PDE10A: variants seen among roughly 807,000 people sequenced by gnomAD.
PDE10A encodes phosphodiesterase 10A.
Under a neutral mutation model 97.7 loss-of-function variants are expected in PDE10A, and 39 were observed. The observed-to-expected ratio is 0.40, with a 90% CI of 0.31 to 0.52. The LOEUF (loss-of-function observed/expected upper bound fraction) is 0.52, where lower values mean the gene tolerates loss of function less well. Ranked by LOEUF, PDE10A falls within the 20% of genes least tolerant of loss-of-function variation. The pLI is 0.56. For synonymous variants in PDE10A, 371 were observed against 376.8 expected, an observed-to-expected ratio of 0.98 and a Z score of 0.18; for missense variants, 731 against 1,047.8, an observed-to-expected ratio of 0.70 and a Z score of 4.17.
chr6:165,540,276 A>T (rs1261948082), intron 2 of PDE10A, among the ~76,000 whole-genome samples: 1 of 152,194 alleles, frequency 6.6e-6, no homozygotes, highest in Non-Finnish European at 1.5e-5. Context: ...GAAACAAAAT[A>T]AAAATTCTGC....
intron 1 of PDE10A, among the ~76,000 whole-genome samples, chr6:165,863,030 C>G (rs1780950482): frequency 6.6e-6 from 1 of 152,178 alleles, no homozygotes; most frequent in South Asian, 2.1e-4. Flanking sequence ...TGGAGTAACC[C>G]TGAATAATCT....
chr6:165,587,371 A>G (rs1415580677), intron 1 of PDE10A, among the ~76,000 whole-genome samples: 1 of 152,182 alleles, frequency 6.6e-6, no homozygotes, highest in Non-Finnish European at 1.5e-5. Context: ...GAAATTTAAT[A>G]CGTGTCTCAT....
At chr6:165,875,746 TTG>T (rs1554334720) in intron 1 of PDE10A, among the ~76,000 whole-genome samples, 2,077 of 146,936 alleles carry the variant, frequency 0.014, 43 homozygotes, top group African/African-American at 0.05. Flanking sequence ...TTTTTTTTTT[TTG>T]TGTGTGTGTG....
At position 165,958,764 on chromosome 6, in the gene PDE10A, AGAAG is replaced by A. The variant is rs1562327922; in HGVS notation, c.-615+28761_-615+28764del. Among the ~76,000 whole-genome samples the A allele has an allele frequency of 2.4e-3, 358 of 150,570 alleles. 2 individuals are homozygous for A. Among genetic ancestry groups the A allele is most frequent in the African/African-American group, 8.2e-3 (330 of 40,116 alleles). Reference sequence around the variant, plus strand: ...GAAAGAAAGAGAAAGAAAGAAAGAAAGAAGAAAGCAAGCCAGCCATGCCTCCCGA... The same window carrying A: ...GAAAGAAAGAGAAAGAAAGAAAGAAAAAAGCAAGCCAGCCATGCCTCCCGA... On this transcript the variant is annotated intron_variant, in intron 1 of 19. Transcript: ENST00000366882.
At chr6:165,438,792 TAC>T (rs1562467776) in intron 5 of PDE10A, among the ~76,000 whole-genome samples, 2 of 151,896 alleles carry the variant, frequency 1.3e-5, no homozygotes. Context: ...ATCTGACCTC[TAC>T]AAAAAATAAA....
intron 1 of PDE10A, among the ~76,000 whole-genome samples, chr6:165,715,236 A>G (rs1377440574): frequency 6.6e-6 from 1 of 152,240 alleles, no homozygotes; most frequent in Admixed American, 6.5e-5. Context: ...TTAGGGACAT[A>G]CAGGTGACAC....
chr6:165,592,267 G>T (rs1357879723), intron 1 of PDE10A, among the ~76,000 whole-genome samples: 1 of 152,102 alleles, frequency 6.6e-6, no homozygotes, highest in African/African-American at 2.4e-5. Flanking sequence ...GCAGAAAACT[G>T]AGACTTTCCT....
At chr6:165,903,707 A>G (rs1782179257) in intron 1 of PDE10A, among the ~76,000 whole-genome samples, 1 of 152,170 alleles carries the variant, frequency 6.6e-6, no homozygotes, top group Non-Finnish European at 1.5e-5. Flanking sequence ...TAAAGCCATT[A>G]CTTTGGATGA....
intron 2 of PDE10A, among the ~76,000 whole-genome samples, chr6:165,526,422 A>G (rs1782450682): frequency 6.6e-6 from 1 of 152,182 alleles, no homozygotes; most frequent in African/African-American, 2.4e-5. Flanking sequence ...TGGCTCCTTG[A>G]CTGGGAGGGT....
chr6:165,941,727 A>C (rs1783529915), intron 1 of PDE10A, among the ~76,000 whole-genome samples: 1 of 152,034 alleles, frequency 6.6e-6, no homozygotes, highest in South Asian at 2.1e-4. Flanking sequence ...CTCCCTAAAA[A>C]CTGAACAGAT....
intron 1 of PDE10A, among the ~76,000 whole-genome samples, chr6:165,548,699 T>C (rs1465471381): frequency 6.6e-6 from 1 of 152,204 alleles, no homozygotes; most frequent in African/African-American, 2.4e-5. Context: ...GGCTTGACAA[T>C]GGTGATTTTC....
At chr6:165,363,806 T>C (rs933554657) in intron 18 of PDE10A, among the ~76,000 whole-genome samples, 19 of 152,118 alleles carry the variant, frequency 1.2e-4, no homozygotes, top group African/African-American at 4.1e-4. Flanking sequence ...TCCTTAGTAA[T>C]AAATTTAACA....
intron 1 of PDE10A, among the ~76,000 whole-genome samples, chr6:165,677,884 AT>A (rs1790845343): frequency 6.6e-6 from 1 of 151,674 alleles, no homozygotes; most frequent in Non-Finnish European, 1.5e-5. Flanking sequence ...GTTTGAGTGT[AT>A]ATGCATGGGT....
At chr6:165,449,062 T>C (rs1409901921) in intron 4 of PDE10A, 85 bp from the exon 5 acceptor site, 2 of 909,150 alleles carry the variant, frequency 2.2e-6, no homozygotes, top group African/African-American at 3.3e-5. Context: ...GAGGCAGATG[T>C]GAGTCTTTCA....
chr6:165,367,532 G>A (rs560538640), intron 18 of PDE10A, among the ~76,000 whole-genome samples: 1 of 152,092 alleles, frequency 6.6e-6, no homozygotes, highest in South Asian at 2.1e-4. Context: ...AAACTTCACT[G>A]AAATCAGCAG....
At chr6:165,971,618 T>C (rs977570809) in intron 1 of PDE10A, among the ~76,000 whole-genome samples, 1 of 152,188 alleles carries the variant, frequency 6.6e-6, no homozygotes, top group African/African-American at 2.4e-5. Context: ...GAACCAAGTT[T>C]TACGTATGTA....
At chr6:165,726,587 T>G (rs1007180919) in intron 1 of PDE10A, among the ~76,000 whole-genome samples, 12 of 152,056 alleles carry the variant, frequency 7.9e-5, no homozygotes, top group African/African-American at 2.9e-4. Context: ...CCCCCGGTGG[T>G]CCACACCTCC....
intron 1 of PDE10A, among the ~76,000 whole-genome samples, chr6:165,749,205 TCATC>T (rs1792914101): frequency 7.9e-6 from 1 of 126,102 alleles, no homozygotes; most frequent in African/African-American, 3.1e-5. Flanking sequence ...ACCATCACCA[TCATC>T]ACCATCACCA....
rs759592779 is a variant in PDE10A, at chr6:165,433,004, G to A, written c.1461C>T (p.Gly487=). ...IGILELYRHW[G]KEAFCLSHQE... is the part of the protein sequence containing the mutation. ...GGTGACTAAGACAGAAGGCTTCTTTGCCCCAGTGCCGATACAGCTCGAGAA... is the reference window on the plus strand; with the variant it reads ...GGTGACTAAGACAGAAGGCTTCTTTACCCCAGTGCCGATACAGCTCGAGAA... The change falls in exon 7 of 22, where the codon GGC becomes GGT. Residue 487 remains glycine (G), a synonymous_variant. Coordinates refer to ENST00000539869, the MANE Select transcript of PDE10A (RefSeq NM_001385079.1). 6.2e-7 allele frequency: 1 copy of A among 1,613,796 alleles called. No individual in the cohort carries two copies. Among genetic ancestry groups the A allele is most frequent in the Non-Finnish European group, 8.5e-7 (1 of 1,179,868 alleles).
Sources: allele counts gnomAD v4.1 joint callset (sites outside exome capture counted in the v4.1 genomes callset), GRCh38; gene constraint gnomAD v4.1.1; transcripts MANE v1.5; gene names NCBI Gene and HGNC (gene_info 2026-07-23, HGNC 2026-07-21).